The following ZNF493 variants were observed in gnomAD, a reference collection of about 807,000 sequenced individuals.
The protein encoded by ZNF493 is zinc finger protein 493.
Under a neutral mutation model 12.2 loss-of-function variants are expected in ZNF493, and 11 were observed. That is an observed-to-expected ratio of 0.90 (90% CI 0.57 to 1.50). The LOEUF is 1.50. Ranked by LOEUF, ZNF493 falls within the 40% of genes most tolerant of loss-of-function variation. ZNF493 has a pLI of 0.00. For synonymous variants in ZNF493, 286 were observed against 302.6 expected (o/e 0.95, Z 0.57); for missense variants, 950 against 906.6 (o/e 1.05, Z -0.61).
chr19:21,425,857 T>C lies in ZNF493; in HGVS notation c.*873T>C. ...TAATGATGGAGAGAAACCATACAAC[T>C]GTGAAGAATGTGGCAAAGCTTTTAA... On this transcript the variant is annotated 3_prime_UTR_variant, in exon 4 of 4. Transcript: ENST00000392288. 1.7e-6 allele frequency: 1 copy of C among 577,308 alleles called. No individual in the cohort carries two copies. The highest frequency in any genetic ancestry group is 1.9e-5 in the African/African-American group (1 of 52,890). The allele number at this position is 577,308 out of a possible 1,614,324, so 35.8% of individuals were successfully genotyped here.
At chr19:21,415,506 AGTC>A (rs1341582324) in intron 3 of ZNF493, among the ~76,000 whole-genome samples, 2 of 152,178 alleles carry the variant, frequency 1.3e-5, no homozygotes, top group African/African-American at 4.8e-5. Context: ...AGGGAGTAGT[AGTC>A]TGAATTTTGT....
At chr19:21,410,607 CAT>C (rs752139709) in intron 3 of ZNF493, among the ~76,000 whole-genome samples, 17 of 151,978 alleles carry the variant, frequency 1.1e-4, no homozygotes, top group African/African-American at 1.2e-4. Flanking sequence ...ACTACTATCA[CAT>C]ATGATTTTTG....
At position 21,423,761 on chromosome 19, in the gene ZNF493, A is replaced by G. The variant is rs751657872; in HGVS notation, c.1102A>G (p.Lys368Glu). Reference sequence around the variant, plus strand: ...GGAGTCCTCACACCTTACTACACATAAAAGAATTCATACTGGAGAGAAACC... The same window carrying G: ...GGAGTCCTCACACCTTACTACACATGAAAGAATTCATACTGGAGAGAAACC... The part of the protein sequence containing the change: ...YKESSHLTTH[K>E]RIHTGEKPYK... Residue 368 changes from lysine to glutamate, a missense_variant, in exon 4 of 4, where the codon AAA (lysine) becomes GAA (glutamate). By Grantham distance (56) the Lys-to-Glu change is moderately conservative. Transcript: ENST00000392288. The G allele has an allele frequency of 3.7e-6, 6 of 1,613,304 alleles. No homozygotes were observed. Among genetic ancestry groups the G allele is most frequent in the Non-Finnish European group, 5.1e-6 (6 of 1,179,414 alleles).
intron 3 of ZNF493, among the ~76,000 whole-genome samples, chr19:21,417,195 C>G (rs1328306449): frequency 1.3e-5 from 2 of 152,104 alleles, no homozygotes; most frequent in African/African-American, 4.8e-5. Flanking sequence ...CAGTAGTTTT[C>G]TTTTTTCCCC....
intron 3 of ZNF493, 36 bp from the exon 4 acceptor site, chr19:21,422,877 G>C: frequency 6.7e-7 from 1 of 1,499,790 alleles, no homozygotes. Flanking sequence ...TCTGAGTCTA[G>C]TAAGTGGAGT....
At position 21,424,359 on chromosome 19, in the gene ZNF493, A is replaced by G. The variant is rs779950596; in HGVS notation, c.1700A>G (p.His567Arg). The G allele has an allele frequency of 2.7e-5, 44 of 1,613,482 alleles. No homozygotes were observed. Among genetic ancestry groups the G allele is most frequent in the Non-Finnish European group, 3.6e-5 (43 of 1,179,730 alleles). ...CACCTTACTACACATAAGAGAATTC[A>G]TACTGGACACAAACCCTACAAATGT... is the stretch of plus-strand genomic sequence containing the variant. Reference protein sequence around the residue: ...SSHLTTHKRIHTGHKPYKCKE... With the variant: ...SSHLTTHKRIRTGHKPYKCKE... The change falls in exon 4 of 4, where the codon CAT (histidine) becomes CGT (arginine). Residue 567 changes from histidine (H) to arginine (R), a missense_variant. Physicochemically the swap from His to Arg is conservative, Grantham distance 29. Transcript: ENST00000392288.
chr19:21,401,990 T>C (rs2029960935), intron 1 of ZNF493, among the ~76,000 whole-genome samples: 1 of 143,058 alleles, frequency 7.0e-6, no homozygotes, highest in African/African-American at 2.6e-5. Context: ...ATTTTTGAGA[T>C]GGAGTCTCGC....
In ZNF493 at chr19:21,425,492, T is replaced by G; in HGVS notation, c.*508T>G. The G allele has an allele frequency of 4.2e-6, 2 of 479,456 alleles. No homozygotes were observed. The highest frequency in any genetic ancestry group is 8.2e-6 in the Non-Finnish European group (2 of 244,106). The allele number at this position is 479,456 out of a possible 1,614,324, so 29.7% of individuals were successfully genotyped here. On this transcript the variant is annotated 3_prime_UTR_variant, in exon 4 of 4. Coordinates refer to ENST00000392288, the MANE Select transcript of ZNF493 (RefSeq NM_001076678.3). ...ACAAATCCTCATCCATTAGTAAACA[T>G]AAGATAATTCATACTGGAGAGAAAA...
chr19:21,410,220 G>C (rs755163617), intron 3 of ZNF493, among the ~76,000 whole-genome samples: 5 of 151,626 alleles, frequency 3.3e-5, no homozygotes, highest in Non-Finnish European at 7.4e-5. Flanking sequence ...TGCATATTTT[G>C]ACTATAAATT....
chr19:21,405,016 G>C (rs1055597758), intron 1 of ZNF493, 113 bp from the exon 2 acceptor site: 89 of 1,498,234 alleles, frequency 5.9e-5, no homozygotes, highest in Non-Finnish European at 7.6e-5. Flanking sequence ...AGTCATTCCT[G>C]TAAGTCAGAA....
In ZNF493 at chr19:21,423,496, C is replaced by G; in HGVS notation, c.837C>G (p.Tyr279Ter). 1 of 1,613,604 alleles carries G rather than the reference C, an allele frequency of 6.2e-7. No homozygotes were observed. The highest frequency in any genetic ancestry group is 1.1e-5 in the South Asian group (1 of 91,054). The change falls in exon 4 of 4, where the codon TAC (tyrosine) becomes TAG (stop). Residue 279 changes from tyrosine (Y) to a stop codon, truncating the protein, a stop_gained. Transcript: ENST00000392288. LOFTEE classifies it low-confidence loss of function (END_TRUNC). ...ECGTSFYQFSYLTRHKLIHTR... is the reference protein window; with the variant it reads ...ECGTSFYQFS ...GCACATCTTTCTACCAATTCTCATA[C>G]CTTACTAGGCATAAGCTAATTCATA...
At chr19:21,400,601 C>T (rs1315236013) in intron 1 of ZNF493, among the ~76,000 whole-genome samples, 1 of 152,168 alleles carries the variant, frequency 6.6e-6, no homozygotes. Context: ...TTATTAAAGG[C>T]CTAGTTAGTT....
At chr19:21,399,432 T>C (rs1360874364) in intron 1 of ZNF493, among the ~76,000 whole-genome samples, 1 of 151,934 alleles carries the variant, frequency 6.6e-6, no homozygotes, top group Non-Finnish European at 1.5e-5. Flanking sequence ...AGTGCTGGGA[T>C]TACAGGTGTG....
intron 1 of ZNF493, 59 bp downstream of exon 1, chr19:21,397,326 G>T (rs771660077): frequency 6.8e-6 from 11 of 1,606,622 alleles, no homozygotes; most frequent in African/African-American, 2.7e-5. Context: ...GAACCGGTGG[G>T]AAGTGGCTGT....
chr19:21,426,063 T>A lies in ZNF493; in HGVS notation c.*1079T>A, dbSNP rs1219486292. ...AAAGGCTTTAACTAGTCCTCAGTTC[T>A]TAACACACATACGATAATTCTTACT... On this transcript the variant is annotated 3_prime_UTR_variant, in exon 4 of 4. Coordinates refer to ENST00000392288, the MANE Select transcript of ZNF493 (RefSeq NM_001076678.3). 2.6e-6 allele frequency: 1 copy of A among 384,994 alleles called. No individual in the cohort carries two copies. Among genetic ancestry groups the A allele is most frequent in the Non-Finnish European group, 5.2e-6 (1 of 191,602 alleles). The allele number at this position is 384,994 out of a possible 1,614,324, so 23.8% of individuals were successfully genotyped here. A position where few individuals can be genotyped will look rare whatever the true frequency, so the allele number is the denominator to read the frequency against.
intron 1 of ZNF493, among the ~76,000 whole-genome samples, chr19:21,399,260 C>T (rs1014099061): frequency 6.6e-6 from 1 of 151,920 alleles, no homozygotes; most frequent in African/African-American, 2.4e-5. Context: ...TCCCGGGTTC[C>T]CGCCATTCTC....
intron 3 of ZNF493, among the ~76,000 whole-genome samples, chr19:21,417,912 C>A (rs569646213): frequency 5.3e-5 from 8 of 152,194 alleles, no homozygotes; most frequent in Non-Finnish European, 1.2e-4. Flanking sequence ...AAAAGGAGAA[C>A]CTAGTCCATA....
Position 21,424,732 on chromosome 19 carries a change from CA to C in ZNF493, c.2077del (p.Thr693LeufsTer13). 6.2e-7 allele frequency: 1 copy of C among 1,613,248 alleles called. No homozygotes were observed. Among genetic ancestry groups the C allele is most frequent in the Non-Finnish European group, 8.5e-7 (1 of 1,179,578 alleles). On this transcript the variant is annotated frameshift_variant, in exon 4 of 4. Transcript: ENST00000392288. LOFTEE classifies it low-confidence loss of function (END_TRUNC). ...EKPYKCEKCG[K>X]TFYRFSNLNT... The stretch of plus-strand genomic sequence containing the variant: ...AACCCTACAAATGTGAAAAATGTGG[CA>C]AAACTTTCTACCGATTCTCAAACCT...
intron 2 of ZNF493, 130 bp from the exon 3 acceptor site, chr19:21,405,631 C>A: frequency 9.3e-7 from 1 of 1,075,558 alleles, no homozygotes; most frequent in Non-Finnish European, 1.3e-6. Flanking sequence ...TAAGAACTTT[C>A]TGTCATTAAA....
Sources: gnomAD v4.1 joint callset for allele counts (sites outside exome capture counted in the v4.1 genomes callset) on GRCh38, gnomAD v4.1.1 for gene constraint, MANE v1.5 for transcripts, NCBI Gene and HGNC (gene_info 2026-07-23, HGNC 2026-07-21) for gene names.